The following GPHN variants were observed in gnomAD, a reference collection of about 807,000 sequenced individuals.
GPHN encodes the protein gephyrin.
In GPHN, 17 loss-of-function variants were observed where a neutral mutation model predicts 95.5. The observed-to-expected ratio is 0.18, with a 90% CI of 0.12 to 0.27. The LOEUF (loss-of-function observed/expected upper bound fraction) is 0.27, where lower values mean the gene tolerates loss of function less well. Among genes scored for constraint, GPHN ranks in the 10% least tolerant of loss-of-function variants. The pLI is 1.00. For synonymous variants in GPHN, 320 were observed against 322.5 expected, an observed-to-expected ratio of 0.99 and a Z score of 0.08; for missense variants, 660 against 978.1, an observed-to-expected ratio of 0.67 and a Z score of 4.34.
intron 9 of GPHN, among the ~76,000 whole-genome samples, chr14:66,978,699 A>C (rs2070431035): frequency 6.6e-6 from 1 of 152,158 alleles, no homozygotes; most frequent in African/African-American, 2.4e-5. Flanking sequence ...AACTCCTATT[A>C]ATGTTGATAT....
the GPHN span, chr14:67,562,439 A>C: frequency 6.2e-7 from 1 of 1,613,690 alleles, no homozygotes. Context: ...CCAGCCATGC[A>C]TGAAGCTTCT....
At chr14:67,398,105 G>A in the GPHN span, 2 of 303,032 alleles carry the variant, frequency 6.6e-6, no homozygotes, top group Non-Finnish European at 1.2e-5. Context: ...CCTACTGCTA[G>A]GAGACAGCCA....
At chr14:67,569,262 C>A in the GPHN span, 1 of 1,408,106 alleles carries the variant, frequency 7.1e-7, no homozygotes, top group Non-Finnish European at 1.0e-6. Context: ...CCAAGGTGGG[C>A]AGGGTGGGCA....
chr14:67,699,183 G>A, the GPHN span, among the ~76,000 whole-genome samples: 68,076 of 151,546 alleles, frequency 0.45, 17,823 homozygotes, highest in Non-Finnish European at 0.61. Context: ...AACCCGGGAG[G>A]CAGAGGTTTC....
chr14:66,847,496 C>T (rs765452008), intron 4 of GPHN, among the ~76,000 whole-genome samples: 7 of 151,954 alleles, frequency 4.6e-5, no homozygotes, highest in East Asian at 3.9e-4. Context: ...AGTGCTATAA[C>T]GTGTTTCCTT....
chr14:67,129,475 C>T (rs1445419213), intron 17 of GPHN, among the ~76,000 whole-genome samples: 2 of 152,118 alleles, frequency 1.3e-5, no homozygotes, highest in Admixed American at 6.6e-5. Flanking sequence ...AGAAAACATA[C>T]TTAAATGCAA....
At chr14:67,507,144 A>T in the GPHN span, among the ~76,000 whole-genome samples, 1 of 152,032 alleles carries the variant, frequency 6.6e-6, no homozygotes, top group African/African-American at 2.4e-5. Context: ...AGGGCAACAG[A>T]GGGGGTTATA....
chr14:66,904,146 G>A (rs546468157), intron 5 of GPHN, among the ~76,000 whole-genome samples: 8 of 152,192 alleles, frequency 5.3e-5, no homozygotes, highest in African/African-American at 1.4e-4. Context: ...ATGAAGCCGC[G>A]GACCTTTGCA....
chr14:67,380,050 G>A, the GPHN span, among the ~76,000 whole-genome samples: 1 of 152,128 alleles, frequency 6.6e-6, no homozygotes, highest in Non-Finnish European at 1.5e-5. Flanking sequence ...AGTCACTGGT[G>A]CCCAGCCTTA....
chr14:67,073,484 C>A (rs1214736610), intron 11 of GPHN, among the ~76,000 whole-genome samples: 1 of 151,928 alleles, frequency 6.6e-6, no homozygotes, highest in African/African-American at 2.4e-5. Context: ...AAACGTACCC[C>A]TTTCATGTTA....
At chr14:67,256,366 A>G in the GPHN span, among the ~76,000 whole-genome samples, 1 of 152,220 alleles carries the variant, frequency 6.6e-6, no homozygotes, top group Non-Finnish European at 1.5e-5. Context: ...AGTAGTCACA[A>G]TAAAAAGTAG....
chr14:67,127,333 T>G (rs1595270538), intron 17 of GPHN, among the ~76,000 whole-genome samples: 1 of 123,444 alleles, frequency 8.1e-6, no homozygotes, highest in East Asian at 2.3e-4. Flanking sequence ...TATTTTTTGG[T>G]TTGTTTGGGT....
At chr14:66,676,372 A>G (rs2066588456) in intron 1 of GPHN, among the ~76,000 whole-genome samples, 13 of 152,064 alleles carry the variant, frequency 8.5e-5, no homozygotes, top group Admixed American at 8.5e-4. Flanking sequence ...AAAAGTATAC[A>G]TTCTTTTCTT....
At chr14:66,754,639 A>C (rs1455223235) in intron 2 of GPHN, among the ~76,000 whole-genome samples, 1 of 152,006 alleles carries the variant, frequency 6.6e-6, no homozygotes, top group Non-Finnish European at 1.5e-5. Flanking sequence ...CTGTAAAATT[A>C]TTAAATAATT....
intron 3 of GPHN, among the ~76,000 whole-genome samples, chr14:66,795,475 C>A (rs2060121894): frequency 6.6e-6 from 1 of 151,990 alleles, no homozygotes; most frequent in Admixed American, 6.6e-5. Context: ...TTTCCTTTTT[C>A]TCTTACTTCC....
At chr14:67,569,268 G>C in the GPHN span, 1 of 1,329,438 alleles carries the variant, frequency 7.5e-7, no homozygotes, top group Non-Finnish European at 1.1e-6. Context: ...TGGGCAGGGT[G>C]GGCAAGCGGG....
chr14:67,326,930 T>G, the GPHN span, among the ~76,000 whole-genome samples: 1 of 152,336 alleles, frequency 6.6e-6, no homozygotes, highest in Middle Eastern at 3.4e-3. Context: ...ATCCCAGCAC[T>G]TTGGGAGGCC....
At chr14:67,287,888 T>C in the GPHN span, among the ~76,000 whole-genome samples, 1 of 152,154 alleles carries the variant, frequency 6.6e-6, no homozygotes, top group Admixed American at 6.5e-5. Flanking sequence ...TCCTTTTGAG[T>C]GGCTTTGGTA....
At chr14:67,007,581 G>A (rs1259485053) in intron 9 of GPHN, among the ~76,000 whole-genome samples, 1 of 152,188 alleles carries the variant, frequency 6.6e-6, no homozygotes, top group African/African-American at 2.4e-5. Context: ...AACTTCAACT[G>A]CTACCATATG....
Sources: gnomAD v4.1 joint callset for allele counts (sites outside exome capture counted in the v4.1 genomes callset) on GRCh38, gnomAD v4.1.1 for gene constraint, MANE v1.5 for transcripts, NCBI Gene and HGNC (gene_info 2026-07-23, HGNC 2026-07-21) for gene names.